The following COL25A1 variants were observed in gnomAD, a reference collection of about 807,000 sequenced individuals.
The protein encoded by COL25A1 is collagen alpha-1(XXV) chain.
A neutral mutation model predicts 128.4 loss-of-function variants in COL25A1; 103 were observed. The observed-to-expected ratio is 0.80, with a 90% CI of 0.68 to 0.94. COL25A1 has a LOEUF of 0.94. COL25A1 is among the 40% of genes least tolerant of loss of function. The pLI, the probability that COL25A1 is intolerant of heterozygous loss-of-function variation, is 0.00. For synonymous variants in COL25A1, 279 were observed against 277.2 expected (o/e 1.01, Z -0.06); for missense variants, 745 against 840.0 (o/e 0.89, Z 1.40).
chr4:109,237,732 C>T (rs1231233099), intron 3 of COL25A1, among the ~76,000 whole-genome samples: 1 of 151,184 alleles, frequency 6.6e-6, no homozygotes, highest in African/African-American at 2.4e-5. Context: ...ATTAAGTATA[C>T]TCATATTGTT....
intron 18 of COL25A1, 118 bp from the exon 19 acceptor site, chr4:108,884,340 G>A (rs527508396): frequency 7.0e-5 from 65 of 927,376 alleles, no homozygotes; most frequent in East Asian, 2.9e-4. Context: ...TAAAAAAACC[G>A]TCTACTTTCA....
At chr4:108,894,103 G>A (rs1741857906) in intron 16 of COL25A1, among the ~76,000 whole-genome samples, 2 of 152,256 alleles carry the variant, frequency 1.3e-5, no homozygotes, top group African/African-American at 4.8e-5. Flanking sequence ...AGTTTATTAT[G>A]TGTGAGTCAG....
chr4:108,816,904 T>C lies in COL25A1; in HGVS notation c.1962+493A>G, dbSNP rs150085749. On this transcript the variant is annotated intron_variant, in intron 37 of 37. Coordinates refer to ENST00000399132, the MANE Select transcript of COL25A1 (RefSeq NM_198721.4). ...ATATGAAGAGGCTAGAATAAACTGA[T>C]GTCATAAAGGACACCACTTAAATTT... 3.5e-3 allele frequency among the ~76,000 whole-genome samples: 538 copies of C among 152,296 alleles called. 7 individuals are homozygous for C. Among genetic ancestry groups the C allele is most frequent in the African/African-American group, 0.012 (514 of 41,566 alleles).
chr4:109,102,157 A>C (rs1375068143), intron 3 of COL25A1, among the ~76,000 whole-genome samples: 3 of 152,178 alleles, frequency 2.0e-5, no homozygotes, highest in African/African-American at 7.2e-5. Flanking sequence ...ACATGTTTGA[A>C]ACTCAACTTT....
intron 3 of COL25A1, among the ~76,000 whole-genome samples, chr4:109,239,394 GTATATATA>G (rs144842941): frequency 3.5e-4 from 41 of 116,582 alleles, no homozygotes; most frequent in African/African-American, 6.4e-4. Context: ...GTGTGTGTGT[GTATATATA>G]TATATATATA....
chr4:108,871,953 T>A (rs1738777855), intron 19 of COL25A1, among the ~76,000 whole-genome samples: 1 of 152,208 alleles, frequency 6.6e-6, no homozygotes, highest in Admixed American at 6.5e-5. Flanking sequence ...AGTTGGGCTA[T>A]TTCTTACTTC....
chr4:109,287,222 A>G (rs1723974371), intron 3 of COL25A1, among the ~76,000 whole-genome samples: 1 of 152,174 alleles, frequency 6.6e-6, no homozygotes, highest in Admixed American at 6.5e-5. Flanking sequence ...TATTAATTCT[A>G]TTGCAGTCTT....
chr4:109,203,260 C>T (rs946936050), intron 3 of COL25A1, among the ~76,000 whole-genome samples: 111 of 152,126 alleles, frequency 7.3e-4, no homozygotes, highest in African/African-American at 2.5e-3. Context: ...GAAGACAAGA[C>T]GAGCCATGCC....
At chr4:108,946,680 A>C (rs774434033) in intron 8 of COL25A1, among the ~76,000 whole-genome samples, 12 of 152,116 alleles carry the variant, frequency 7.9e-5, no homozygotes, top group Non-Finnish European at 1.6e-4. Flanking sequence ...CAGAGTGATA[A>C]GTATTATGGT....
At chr4:109,135,267 A>G (rs762460138) in intron 3 of COL25A1, among the ~76,000 whole-genome samples, 7 of 152,114 alleles carry the variant, frequency 4.6e-5, no homozygotes, top group Admixed American at 6.5e-5. Flanking sequence ...AATTGAGGGA[A>G]TGACTATAGT....
chr4:109,268,157 T>C (rs1210578186), intron 3 of COL25A1, among the ~76,000 whole-genome samples: 3 of 152,220 alleles, frequency 2.0e-5, no homozygotes, highest in African/African-American at 4.8e-5. Context: ...CATTGTTTTA[T>C]CAAAGCACAA....
At chr4:109,285,994 A>C (rs929293532) in intron 3 of COL25A1, among the ~76,000 whole-genome samples, 2 of 152,214 alleles carry the variant, frequency 1.3e-5, no homozygotes, top group African/African-American at 4.8e-5. Context: ...GGCTGGTGGA[A>C]TAGAAGTAGG....
chr4:108,896,645 T>C lies in COL25A1; in HGVS notation c.906+22A>G, dbSNP rs368099379. On this transcript the variant is annotated intron_variant, in intron 16 of 37. Coordinates refer to ENST00000399132, the MANE Select transcript of COL25A1 (RefSeq NM_198721.4). ...TATTTCTTGCTCACATATGTACCCT[T>C]TCATGTCTTACAAAACTGTACCTTT... 72 of 1,611,672 alleles carry C rather than the reference T, an allele frequency of 4.5e-5. No individual in the cohort carries two copies. In the African/African-American group the frequency reaches 8.9e-4, roughly 20 times the overall value.
intron 3 of COL25A1, among the ~76,000 whole-genome samples, chr4:109,292,968 T>G (rs891493447): frequency 6.6e-6 from 1 of 152,080 alleles, no homozygotes; most frequent in African/African-American, 2.4e-5. Flanking sequence ...GGTTTTTGAA[T>G]GTGGTTTGTG....
chr4:109,217,114 C>A (rs1778057130), intron 3 of COL25A1, among the ~76,000 whole-genome samples: 1 of 151,364 alleles, frequency 6.6e-6, no homozygotes, highest in Non-Finnish European at 1.5e-5. Context: ...CTTTGGGATG[C>A]CTAACAACTT....
rs114968347 is a variant in COL25A1 at position 108,842,856 on chromosome 4, A to G, written c.1630-1135T>C. On this transcript the variant is annotated intron_variant, in intron 30 of 37. Transcript: ENST00000399132. ...ATGAACCATCCAGTTTTAAGAAAAT[A>G]AGGTCACACTGGGCGAGGTGGCTCA... Among the ~76,000 whole-genome samples the G allele has an allele frequency of 6.8e-3, 1,031 of 152,308 alleles. 10 individuals carry two copies. The highest frequency in any genetic ancestry group is 0.024 in the African/African-American group (986 of 41,562).
At chr4:108,824,046 G>C (rs1438416276) in intron 35 of COL25A1, 128 bp downstream of exon 35, 3 of 1,612,060 alleles carry the variant, frequency 1.9e-6, no homozygotes, top group Non-Finnish European at 8.5e-7. Context: ...CTTAAATCAG[G>C]CATCAGTATG....
Position 108,846,393 on chromosome 4 carries a change from C to G in COL25A1, c.1435-174G>C, listed in dbSNP as rs78190694. Reference sequence around the variant, plus strand: ...CTTACAGCAACCTTCTACATGCAATCAGTACTATTTCTCCTTGTAATGAAA... The same window carrying G: ...CTTACAGCAACCTTCTACATGCAATGAGTACTATTTCTCCTTGTAATGAAA... On this transcript the variant is annotated intron_variant, in intron 27 of 37. Transcript: ENST00000399132. Among the ~76,000 whole-genome samples, 638 of 152,292 alleles carry G rather than the reference C, an allele frequency of 4.2e-3. 5 individuals are homozygous for G. The highest frequency in any genetic ancestry group is 0.015 in the African/African-American group (612 of 41,560).
chr4:109,178,060 A>G (rs1281364861), intron 3 of COL25A1, among the ~76,000 whole-genome samples: 1 of 152,214 alleles, frequency 6.6e-6, no homozygotes, highest in Non-Finnish European at 1.5e-5. Flanking sequence ...TTTCTGGGGA[A>G]TTGACTTTAA....
Sources: gnomAD v4.1 joint callset for allele counts (sites outside exome capture counted in the v4.1 genomes callset) on GRCh38, gnomAD v4.1.1 for gene constraint, MANE v1.5 for transcripts, NCBI Gene and HGNC (gene_info 2026-07-23, HGNC 2026-07-21) for gene names.